Variants in ST8SIA1 observed in about 807,000 individuals in gnomAD.
ST8SIA1 encodes ST8 alpha-N-acetyl-neuraminide alpha-2,8-sialyltransferase 1.
A neutral mutation model predicts 35.9 loss-of-function variants in ST8SIA1; 16 were observed. The observed-to-expected ratio is 0.45, with a 90% CI of 0.30 to 0.68. The LOEUF (loss-of-function observed/expected upper bound fraction) is 0.68. Among genes scored for constraint, ST8SIA1 ranks in the 30% least tolerant of loss-of-function variants. The pLI, the probability that ST8SIA1 is intolerant of heterozygous loss-of-function variation, is 0.09. For synonymous variants in ST8SIA1, 170 were observed against 169.6 expected, an observed-to-expected ratio of 1.00 and a Z score of -0.02; for missense variants, 383 against 453.6, an observed-to-expected ratio of 0.84 and a Z score of 1.41.
At chr12:22,310,495 C>T (rs768691039) in intron 1 of ST8SIA1, among the ~76,000 whole-genome samples, 1 of 152,104 alleles carries the variant, frequency 6.6e-6, no homozygotes, top group Non-Finnish European at 1.5e-5. Context: ...ATGCTCAATA[C>T]AGTAACTCGA....
intron 1 of ST8SIA1, among the ~76,000 whole-genome samples, chr12:22,330,463 A>C (rs1284402429): frequency 6.6e-6 from 1 of 152,208 alleles, no homozygotes. Context: ...ACAACTAGAA[A>C]GGGATACAGC....
At chr12:22,230,175 G>T (rs1865402623) in intron 4 of ST8SIA1, among the ~76,000 whole-genome samples, 1 of 152,158 alleles carries the variant, frequency 6.6e-6, no homozygotes. Context: ...TAAAGGTTAT[G>T]AAATCTTTGC....
At chr12:22,230,965 A>G (rs994748135) in intron 4 of ST8SIA1, among the ~76,000 whole-genome samples, 1 of 152,092 alleles carries the variant, frequency 6.6e-6, no homozygotes, top group African/African-American at 2.4e-5. Flanking sequence ...TGCACTTCCC[A>G]GGGAAAGTGA....
intron 2 of ST8SIA1, among the ~76,000 whole-genome samples, chr12:22,260,106 GGATA>G (rs934465080): frequency 6.6e-5 from 10 of 151,250 alleles, no homozygotes; most frequent in Non-Finnish European, 1.3e-4. Flanking sequence ...CTAAATGCAA[GGATA>G]GATTAGACAG....
intron 4 of ST8SIA1, among the ~76,000 whole-genome samples, chr12:22,240,978 CT>C (rs35021216): frequency 0.19 from 25,245 of 130,128 alleles, 1,980 homozygotes; most frequent in Middle Eastern, 0.28. Flanking sequence ...CATGCCAACT[CT>C]TTTTTTTTTT....
chr12:22,325,168 A>G (rs1866658745), intron 1 of ST8SIA1: 1 of 360,848 alleles, frequency 2.8e-6, no homozygotes, highest in African/African-American at 2.1e-5. Context: ...AATAATAAAC[A>G]CTATAAATTG....
intron 2 of ST8SIA1, among the ~76,000 whole-genome samples, chr12:22,266,490 A>AT (rs1865849746): frequency 7.1e-6 from 1 of 140,012 alleles, no homozygotes; most frequent in Non-Finnish European, 1.5e-5. Flanking sequence ...GAAAACCCCT[A>AT]TTTAAAAAAA....
intron 4 of ST8SIA1, among the ~76,000 whole-genome samples, chr12:22,203,202 A>G (rs1282614795): frequency 6.6e-6 from 1 of 152,110 alleles, no homozygotes; most frequent in Non-Finnish European, 1.5e-5. Flanking sequence ...AGAGAGAGAG[A>G]GAAAGAGAGG....
intron 1 of ST8SIA1, among the ~76,000 whole-genome samples, chr12:22,304,386 G>GA (rs1866358778): frequency 1.2e-5 from 1 of 82,232 alleles, no homozygotes; most frequent in Non-Finnish European, 2.4e-5. Flanking sequence ...TCAGTTGACT[G>GA]AATTCTGTTT....
intron 4 of ST8SIA1, among the ~76,000 whole-genome samples, chr12:22,207,988 C>A (rs1454458633): frequency 1.3e-5 from 2 of 151,684 alleles, no homozygotes; most frequent in Non-Finnish European, 1.5e-5. Context: ...ACTAAAAATA[C>A]AAAAATTAGC....
At position 22,231,555 on chromosome 12, in the gene ST8SIA1, G is replaced by GATTTTT. The variant is rs1161157295; in HGVS notation, c.584+17445_584+17450dup. ...CTTCTACTTTGTGCTAATGCAATAA[G>GATTTTT]ATTTTTATTTTTATTTTTGTTTATT... On this transcript the variant is annotated intron_variant, in intron 4 of 4. Coordinates refer to ENST00000396037, the MANE Select transcript of ST8SIA1 (RefSeq NM_003034.4). 4.6e-5 allele frequency among the ~76,000 whole-genome samples: 7 copies of GATTTTT among 151,914 alleles called. No homozygotes were observed. In the East Asian group the frequency reaches 1.4e-3, roughly 29 times the overall value.
chr12:22,317,876 G>C (rs1565595015), intron 1 of ST8SIA1, among the ~76,000 whole-genome samples: 1 of 152,152 alleles, frequency 6.6e-6, no homozygotes, highest in African/African-American at 2.4e-5. Context: ...CATGTTGAGT[G>C]TATCTAGATA....
rs750642424 is a variant in ST8SIA1 at position 22,287,307 on chromosome 12, CAGAG to C, written c.237-18_237-15del. 7 of 1,606,704 alleles carry C rather than the reference CAGAG, an allele frequency of 4.4e-6. No individual in the cohort carries two copies. The South Asian group carries it at 5.5e-5, about 13-fold the overall frequency. ...TCCATTTGTTTCCTAGGAGAGAAAA[CAGAG>C]AGAGAGAAAAGAACAGCAGGTTAAA... On this transcript the variant is annotated splice_polypyrimidine_tract_variant and intron_variant, in intron 1 of 4. Coordinates refer to ENST00000396037, the MANE Select transcript of ST8SIA1 (RefSeq NM_003034.4).
At chr12:22,218,612 A>AAATAAATAAATAAATAAAT (rs1865261279) in intron 4 of ST8SIA1, among the ~76,000 whole-genome samples, 2 of 139,274 alleles carry the variant, frequency 1.4e-5, no homozygotes, top group Admixed American at 7.3e-5. Context: ...AGCGAGACTC[A>AAATAAATAAATAAATAAAT]AAATAAATAA....
intron 1 of ST8SIA1, among the ~76,000 whole-genome samples, chr12:22,322,237 G>T (rs890989870): frequency 5.9e-5 from 9 of 152,220 alleles, no homozygotes; most frequent in Non-Finnish European, 1.3e-4. Flanking sequence ...CCCATATAAA[G>T]AAGTGGAGAG....
intron 4 of ST8SIA1, chr12:22,223,659 C>G: frequency 8.6e-7 from 1 of 1,169,292 alleles, no homozygotes; most frequent in Non-Finnish European, 1.1e-6. Flanking sequence ...CTGATTCTGA[C>G]TGATTCTGCA....
intron 2 of ST8SIA1, among the ~76,000 whole-genome samples, chr12:22,285,712 A>G (rs1440772155): frequency 6.6e-6 from 1 of 151,988 alleles, no homozygotes; most frequent in Non-Finnish European, 1.5e-5. Flanking sequence ...TCTCTACTAA[A>G]AATACAAAAC....
At chr12:22,258,797 G>A (rs547122870) in intron 2 of ST8SIA1, among the ~76,000 whole-genome samples, 24 of 152,316 alleles carry the variant, frequency 1.6e-4, no homozygotes, top group Middle Eastern at 6.8e-3. Context: ...TCTTGCTTGA[G>A]CCTATTAGGC....
chr12:22,300,045 G>T (rs1231996414), intron 1 of ST8SIA1, among the ~76,000 whole-genome samples: 1 of 151,872 alleles, frequency 6.6e-6, no homozygotes, highest in African/African-American at 2.4e-5. Context: ...ATTAAGTTTT[G>T]GTTTGCTTAG....
Sources: allele counts gnomAD v4.1 joint callset (sites outside exome capture counted in the v4.1 genomes callset), GRCh38; gene constraint gnomAD v4.1.1; transcripts MANE v1.5; gene names NCBI Gene and HGNC (gene_info 2026-07-23, HGNC 2026-07-21).